The following RIMS2 variants were observed in gnomAD, a reference collection of about 807,000 sequenced individuals.
RIMS2 encodes the protein regulating synaptic membrane exocytosis 2.
In RIMS2, 59 loss-of-function variants were observed where a neutral mutation model predicts 174.4. The observed-to-expected ratio is 0.34, with a 90% CI of 0.27 to 0.42. The LOEUF (loss-of-function observed/expected upper bound fraction) is 0.42. Ranked by LOEUF, RIMS2 falls within the 10% of genes least tolerant of loss-of-function variation. The pLI is 1.00. For synonymous variants in RIMS2, 606 were observed against 572.5 expected (o/e 1.06, Z -0.84); for missense variants, 1,620 against 1,666.3 (o/e 0.97, Z 0.48).
At chr8:103,567,452 C>G (rs984421089) in intron 1 of RIMS2, among the ~76,000 whole-genome samples, 1 of 152,152 alleles carries the variant, frequency 6.6e-6, no homozygotes. Flanking sequence ...GCTTCTTTTA[C>G]TTAGAATACT....
At chr8:104,133,574 C>A (rs964045023) in intron 19 of RIMS2, among the ~76,000 whole-genome samples, 6 of 152,046 alleles carry the variant, frequency 3.9e-5, no homozygotes, top group African/African-American at 1.5e-4. Context: ...AGCAGACTGC[C>A]ATAAAATGAT....
At chr8:103,571,113 C>T (rs1359568204) in intron 1 of RIMS2, among the ~76,000 whole-genome samples, 1 of 152,052 alleles carries the variant, frequency 6.6e-6, no homozygotes, top group African/African-American at 2.4e-5. Flanking sequence ...GAACACAGAC[C>T]TGTTAACTAG....
At chr8:104,172,230 T>C (rs1586512512) in intron 19 of RIMS2, among the ~76,000 whole-genome samples, 2 of 152,200 alleles carry the variant, frequency 1.3e-5, no homozygotes, top group Admixed American at 1.3e-4. Context: ...TTGATGAAGG[T>C]AGCTGGAGGA....
chr8:104,164,944 T>C (rs2098788128), intron 19 of RIMS2, among the ~76,000 whole-genome samples: 1 of 152,178 alleles, frequency 6.6e-6, no homozygotes, highest in Non-Finnish European at 1.5e-5. Context: ...ATCCTGTATA[T>C]GTACCCCTGA....
intron 3 of RIMS2, chr8:103,768,829 G>A: frequency 1.6e-6 from 1 of 627,964 alleles, no homozygotes; most frequent in Non-Finnish European, 3.0e-6. Context: ...TACTCCATGT[G>A]TCCTGCAGCA....
rs547491224 is a variant in RIMS2 at position 104,230,374 on chromosome 8, G to A, written c.3335-14542G>A. On this transcript the variant is annotated intron_variant, in intron 19 of 23. Transcript: ENST00000504942. ...AAAAATAAAACTATCAGCCAGGCGC[G>A]GTGGCTCACGCTTATAATCTCAGCA... Among the ~76,000 whole-genome samples, 37 of 152,180 alleles carry A rather than the reference G, an allele frequency of 2.4e-4. No homozygotes were observed. The East Asian group carries it at 5.0e-3, about 21-fold the overall frequency.
At chr8:103,580,249 G>T (rs930838066) in intron 1 of RIMS2, among the ~76,000 whole-genome samples, 1 of 152,008 alleles carries the variant, frequency 6.6e-6, no homozygotes, top group Non-Finnish European at 1.5e-5. Context: ...TGACTGAATA[G>T]CTAAAGAAAC....
At chr8:103,674,431 A>G (rs1037161436) in intron 1 of RIMS2, among the ~76,000 whole-genome samples, 5 of 152,338 alleles carry the variant, frequency 3.3e-5, no homozygotes, top group Middle Eastern at 3.4e-3. Context: ...CAAGATTTTC[A>G]TAAACCTTTT....
At chr8:104,173,897 A>G (rs2098848124) in intron 19 of RIMS2, among the ~76,000 whole-genome samples, 1 of 149,776 alleles carries the variant, frequency 6.7e-6, no homozygotes. Flanking sequence ...TTCATGGTCT[A>G]GAAGTAATGG....
intron 4 of RIMS2, among the ~76,000 whole-genome samples, chr8:103,900,891 T>C (rs985145236): frequency 6.6e-6 from 1 of 152,108 alleles, no homozygotes; most frequent in African/African-American, 2.4e-5. Flanking sequence ...TGGTTTCCCT[T>C]AGCCTCCTGA....
At position 103,737,899 on chromosome 8, in the gene RIMS2, C is replaced by G. The variant is rs74414269; in HGVS notation, c.388-28328C>G. Among the ~76,000 whole-genome samples the G allele has an allele frequency of 7.2e-3, 1,092 of 152,284 alleles. 25 individuals are homozygous for G. The highest frequency in any genetic ancestry group is 0.068 in the East Asian group (351 of 5,178). Reference sequence around the variant, plus strand: ...GTTACTTCCATCAACATCACCTACTCTCATCATATCACTCTGATTTTTCTT... The same window carrying G: ...GTTACTTCCATCAACATCACCTACTGTCATCATATCACTCTGATTTTTCTT... On this transcript the variant is annotated intron_variant, in intron 2 of 23. Coordinates refer to ENST00000504942, the Ensembl canonical transcript of RIMS2.
At chr8:104,178,182 C>G (rs952152730) in intron 19 of RIMS2, among the ~76,000 whole-genome samples, 2 of 152,164 alleles carry the variant, frequency 1.3e-5, no homozygotes, top group Non-Finnish European at 2.9e-5. Context: ...AATCAGGGTG[C>G]TGGCAGGACT....
At chr8:103,868,371 T>C (rs1403299595) in intron 3 of RIMS2, among the ~76,000 whole-genome samples, 1 of 152,206 alleles carries the variant, frequency 6.6e-6, no homozygotes, top group Non-Finnish European at 1.5e-5. Flanking sequence ...GCTTCTGTTT[T>C]ATTAAAAAAA....
intron 19 of RIMS2, among the ~76,000 whole-genome samples, chr8:104,150,919 C>T (rs12681161): frequency 0.28 from 43,049 of 151,970 alleles, 6,271 homozygotes; most frequent in Non-Finnish European, 0.32. Context: ...CAGGGACTAT[C>T]CTAAAGAAAA....
At chr8:103,801,472 A>T (rs1303221529) in intron 3 of RIMS2, among the ~76,000 whole-genome samples, 1 of 152,204 alleles carries the variant, frequency 6.6e-6, no homozygotes. Context: ...CTTTTAAAAT[A>T]TTAGAGGCAG....
chr8:103,647,624 A>T (rs1217085205), intron 1 of RIMS2, among the ~76,000 whole-genome samples: 1 of 152,096 alleles, frequency 6.6e-6, no homozygotes, highest in Admixed American at 6.6e-5. Flanking sequence ...CTATTAACAG[A>T]TTCAGTTTCT....
chr8:104,177,736 T>C (rs972113476), intron 19 of RIMS2, among the ~76,000 whole-genome samples: 5 of 152,172 alleles, frequency 3.3e-5, no homozygotes, highest in East Asian at 1.9e-4. Context: ...AGTAACTCTA[T>C]TGGCTATATA....
chr8:103,659,274 A>G (rs913860155), intron 1 of RIMS2, among the ~76,000 whole-genome samples: 5 of 152,136 alleles, frequency 3.3e-5, no homozygotes, highest in African/African-American at 1.2e-4. Context: ...CGGGCTGCCT[A>G]GTGTAGAGAA....
intron 2 of RIMS2, among the ~76,000 whole-genome samples, chr8:103,723,229 T>C (rs2097478652): frequency 1.3e-5 from 2 of 152,370 alleles, no homozygotes; most frequent in South Asian, 4.1e-4. Flanking sequence ...TCCTGTACCA[T>C]CAGTGCTTTA....
Sources: gnomAD v4.1 joint callset for allele counts (sites outside exome capture counted in the v4.1 genomes callset) on GRCh38, gnomAD v4.1.1 for gene constraint, MANE v1.5 for transcripts, NCBI Gene and HGNC (gene_info 2026-07-23, HGNC 2026-07-21) for gene names.